Variants in CCN5 observed in about 807,000 individuals in gnomAD.
CCN5 encodes cellular communication network factor 5, also known as CCN family member 5.
Under a neutral mutation model 18.7 loss-of-function variants are expected in CCN5, and 17 were observed. That is an observed-to-expected ratio of 0.91 (90% confidence interval 0.62 to 1.36). The LOEUF (loss-of-function observed/expected upper bound fraction) is 1.36, where lower values mean the gene tolerates loss of function less well. CCN5 is among the 40% of genes most tolerant of loss of function. CCN5 has a pLI of 0.00. For missense variants in CCN5, 367 were observed against 342.9 expected (o/e 1.07, Z -0.56); for synonymous variants, 135 against 145.2 (o/e 0.93, Z 0.50).
At position 44,727,357 on chromosome 20, in the gene CCN5, C is replaced by T. The variant is rs142405609; in HGVS notation, c.*50C>T. On this transcript the variant is annotated 3_prime_UTR_variant, in exon 4 of 4. Transcript: ENST00000190983. Reference sequence around the variant, plus strand: ...GTGTCCACCATCCCCAGCTGGTGGCCCTGTGCCTGGGCCCTGGGCTGATGG... The same window carrying T: ...GTGTCCACCATCCCCAGCTGGTGGCTCTGTGCCTGGGCCCTGGGCTGATGG... 3 of 1,557,724 alleles carry T rather than the reference C, an allele frequency of 1.9e-6. No homozygotes were observed. Among genetic ancestry groups the T allele is most frequent in the African/African-American group, 2.7e-5 (2 of 73,536 alleles).
At chr20:44,722,390 G>T (rs2065905702) in intron 2 of CCN5, among the ~76,000 whole-genome samples, 1 of 151,918 alleles carries the variant, frequency 6.6e-6, no homozygotes, top group Admixed American at 6.6e-5. Flanking sequence ...CCAGTCTGTT[G>T]AGAGCACCTC....
At chr20:44,727,020 G>A in intron 3 of CCN5, 67 bp from the exon 4 acceptor site, 5 of 1,446,954 alleles carry the variant, frequency 3.5e-6, no homozygotes, top group Non-Finnish European at 4.6e-6. Flanking sequence ...GTGGCCGCTG[G>A]CAGGTGGGTT....
chr20:44,719,726 T>C (rs1457605849), intron 1 of CCN5, among the ~76,000 whole-genome samples, 171 bp from the exon 2 acceptor site: 1 of 152,238 alleles, frequency 6.6e-6, no homozygotes, highest in Non-Finnish European at 1.5e-5. Context: ...CATGCCATAC[T>C]GCCTCTTAGG....
At chr20:44,722,564 T>C (rs1476038873) in intron 2 of CCN5, among the ~76,000 whole-genome samples, 3 of 151,554 alleles carry the variant, frequency 2.0e-5, no homozygotes, top group Admixed American at 1.3e-4. Flanking sequence ...TCTCTTGCGT[T>C]CAAGCGATTC....
Position 44,727,688 on chromosome 20 carries a change from G to A in CCN5, c.*381G>A. ...TCCCTTAATATTGAGGCTGCAGCAG[G>A]TGCTGGGCTGGACTGGCCATTTTTC... On this transcript the variant is annotated 3_prime_UTR_variant, in exon 4 of 4. Coordinates refer to ENST00000190983, the MANE Select transcript of CCN5 (RefSeq NM_003881.4). The A allele has an allele frequency of 4.2e-6, 2 of 480,200 alleles. No individual in the cohort carries two copies. Among genetic ancestry groups the A allele is most frequent in the Non-Finnish European group, 6.5e-6 (2 of 307,388 alleles). 29.7% of individuals were successfully genotyped at this position (480,200 alleles called of 1,614,324 possible).
intron 1 of CCN5, 81 bp downstream of exon 1, chr20:44,715,531 C>T: frequency 1.4e-6 from 2 of 1,447,916 alleles, no homozygotes; most frequent in South Asian, 1.2e-5. Flanking sequence ...CAGCCAAGGA[C>T]CCCCTTGGCA....
chr20:44,726,042 A>G (rs562076513), intron 3 of CCN5, among the ~76,000 whole-genome samples: 1 of 152,184 alleles, frequency 6.6e-6, no homozygotes, highest in Non-Finnish European at 1.5e-5. Context: ...TGTGACTCTG[A>G]GAAAGTTGCT....
chr20:44,726,014 G>A (rs753740), intron 3 of CCN5, among the ~76,000 whole-genome samples: 84,219 of 151,920 alleles, frequency 0.55, 23,758 homozygotes, highest in Middle Eastern at 0.64. Flanking sequence ...CAACAGCCCC[G>A]CCATCCCCTT....
chr20:44,718,568 C>T (rs928029192), intron 1 of CCN5, among the ~76,000 whole-genome samples: 12 of 152,146 alleles, frequency 7.9e-5, no homozygotes, highest in African/African-American at 2.7e-4. Flanking sequence ...TTGGTTGTTT[C>T]TCTGATGTGG....
chr20:44,715,294 CGTGTGCCTGT>C (rs1338406257), upstream of CCN5: 28 of 1,080,256 alleles, frequency 2.6e-5, no homozygotes, highest in Middle Eastern at 2.6e-4. Context: ...TGTACTCGTG[CGTGTGCCTGT>C]GTGTGCCTGG....
At chr20:44,723,152 T>C (rs944049981) in intron 2 of CCN5, among the ~76,000 whole-genome samples, 1 of 152,038 alleles carries the variant, frequency 6.6e-6, no homozygotes, top group Non-Finnish European at 1.5e-5. Flanking sequence ...CCCCTTGCTG[T>C]TCCTTAAATA....
At chr20:44,726,524 C>A (rs566055507) in intron 3 of CCN5, among the ~76,000 whole-genome samples, 1 of 152,112 alleles carries the variant, frequency 6.6e-6, no homozygotes, top group Non-Finnish European at 1.5e-5. Flanking sequence ...AGCATCCCCC[C>A]AGTTGTGATC....
chr20:44,715,265 G>A (rs867647250), upstream of CCN5: 498 of 444,028 alleles, frequency 1.1e-3, 8 homozygotes, highest in East Asian at 4.4e-3. Flanking sequence ...GTGTGTGAGC[G>A]CGCGCGCGCG....
At position 44,719,997 on chromosome 20, in the gene CCN5, G is replaced by A. The variant is rs563992508; in HGVS notation, c.161G>A (p.Arg54Gln). The change falls in exon 2 of 4, where the codon CGG (arginine) becomes CAG (glutamine). Residue 54 changes from arginine (R) to glutamine (Q), a missense_variant. Coordinates refer to ENST00000190983, the MANE Select transcript of CCN5 (RefSeq NM_003881.4). ...GTGCTGGATGGCTGTGGCTGCTGCC[G>A]GGTATGTGCACGGCGGCTGGGGGAG... ...PLVLDGCGCC[R>Q]VCARRLGEPC... is the part of the protein sequence containing the mutation. 2.0e-5 allele frequency: 33 copies of A among 1,612,248 alleles called. No homozygotes were observed. Among genetic ancestry groups the A allele is most frequent in the South Asian group, 2.0e-4 (18 of 90,956 alleles).
chr20:44,719,612 G>A (rs928319233), intron 1 of CCN5, among the ~76,000 whole-genome samples: 6 of 152,122 alleles, frequency 3.9e-5, no homozygotes, highest in African/African-American at 1.2e-4. Context: ...CTGGGATCGC[G>A]CCACTGCACT....
At chr20:44,718,835 T>C (rs2065878067) in intron 1 of CCN5, among the ~76,000 whole-genome samples, 1 of 152,176 alleles carries the variant, frequency 6.6e-6, no homozygotes, top group African/African-American at 2.4e-5. Flanking sequence ...GCTGAAAACC[T>C]AGCTGAGCTT....
At position 44,719,952 on chromosome 20, in the gene CCN5, GC is replaced by G. The variant is rs1387476807; in HGVS notation, c.119del (p.Pro40ArgfsTer63). 1 of 1,613,894 alleles carries G rather than the reference GC, an allele frequency of 6.2e-7. No homozygotes were observed. The highest frequency in any genetic ancestry group is 8.5e-7 in the Non-Finnish European group (1 of 1,179,936). On this transcript the variant is annotated frameshift_variant, in exon 2 of 4. Transcript: ENST00000190983. LOFTEE classifies it high-confidence loss of function. Reference protein sequence around the residue: ...PCTCPWPPPRCPLGVPLVLDG... With the variant: ...PCTCPWPPPRXPLGVPLVLDG... ...ACCTGCCCCTGGCCACCTCCCCGAT[GC>G]CCGCTGGGAGTACCCCTGGTGCTGG...
chr20:44,717,786 C>T (rs892496905), intron 1 of CCN5, among the ~76,000 whole-genome samples: 5 of 150,124 alleles, frequency 3.3e-5, no homozygotes, highest in African/African-American at 1.2e-4. Flanking sequence ...TGAGGCCTCC[C>T]AAGAATTGCT....
intron 3 of CCN5, among the ~76,000 whole-genome samples, chr20:44,725,571 G>A (rs1176443489): frequency 6.6e-6 from 1 of 152,140 alleles, no homozygotes; most frequent in Non-Finnish European, 1.5e-5. Context: ...CTGGGTGACA[G>A]AGCCGGGAGA....
Sources: gnomAD v4.1 joint callset for allele counts (sites outside exome capture counted in the v4.1 genomes callset) on GRCh38, gnomAD v4.1.1 for gene constraint, MANE v1.5 for transcripts, NCBI Gene and HGNC (gene_info 2026-07-23, HGNC 2026-07-21) for gene names.